The following DIP2A variants were observed in gnomAD, a reference collection of about 807,000 sequenced individuals.
DIP2A encodes disco-interacting protein 2 homolog A.
DIP2A carries 85 observed loss-of-function variants against 177.4 expected under a neutral mutation model. That is an observed-to-expected ratio of 0.48 (90% CI 0.40 to 0.57). The LOEUF is 0.57. Among genes scored for constraint, DIP2A ranks in the 20% least tolerant of loss-of-function variants. DIP2A has a pLI of 0.00. For synonymous variants in DIP2A, 886 were observed against 881.8 expected (o/e 1.00, Z -0.08); for missense variants, 1,791 against 2,100.2 (o/e 0.85, Z 2.88).
At chr21:46,538,333 C>T (rs551143973) in intron 15 of DIP2A, 150 bp from the exon 16 acceptor site, 386 of 1,180,368 alleles carry the variant, frequency 3.3e-4, no homozygotes, top group Non-Finnish European at 3.8e-4. Flanking sequence ...ATGTGAGAGA[C>T]GGCTGCAGAG....
intron 8 of DIP2A, among the ~76,000 whole-genome samples, chr21:46,520,977 T>C (rs976405814): frequency 6.6e-6 from 1 of 152,192 alleles, no homozygotes; most frequent in African/African-American, 2.4e-5. Context: ...GTTTGTCAAA[T>C]ATTAAAGGTT....
intron 2 of DIP2A, among the ~76,000 whole-genome samples, chr21:46,486,727 A>G (rs899485845): frequency 6.6e-6 from 1 of 152,232 alleles, no homozygotes; most frequent in Non-Finnish European, 1.5e-5. Context: ...GGCAGCTAGT[A>G]TTACATAGTA....
At chr21:46,570,921 AT>A (rs1356399566), downstream of DIP2A, among the ~76,000 whole-genome samples, 1 of 152,222 alleles carries the variant, frequency 6.6e-6, no homozygotes, top group Non-Finnish European at 1.5e-5. Context: ...AGATACCAAC[AT>A]TTCAGAAGCC....
At chr21:46,504,713 G>T (rs1239307070) in intron 6 of DIP2A, among the ~76,000 whole-genome samples, 2 of 152,246 alleles carry the variant, frequency 1.3e-5, no homozygotes, top group Non-Finnish European at 1.5e-5. Flanking sequence ...GAAACGAGGA[G>T]AGTGGGGAGG....
intron 25 of DIP2A, chr21:46,553,570 G>T (rs1011541420): frequency 6.5e-6 from 1 of 153,166 alleles, no homozygotes; most frequent in African/African-American, 2.4e-5. Context: ...GAGACACACA[G>T]ATGCCTCTGA....
chr21:46,567,341 ATG>A, intron 37 of DIP2A, 27 bp from the exon 38 acceptor site: 1 of 1,598,724 alleles, frequency 6.3e-7, no homozygotes, highest in Non-Finnish European at 8.5e-7. Context: ...GCCTGTATCC[ATG>A]TGACCCAGTC....
chr21:46,471,475 T>A (rs922899650), intron 1 of DIP2A, among the ~76,000 whole-genome samples: 4 of 152,246 alleles, frequency 2.6e-5, no homozygotes, highest in Non-Finnish European at 5.9e-5. Context: ...AAAACTAATT[T>A]TTGCTGTGCA....
Position 46,565,689 on chromosome 21 carries a change from A to AT in DIP2A, c.4165-22dup, listed in dbSNP as rs1454039564. The AT allele has an allele frequency of 6.9e-6, 11 of 1,600,468 alleles. No homozygotes were observed. The East Asian group carries it at 2.5e-4, about 36-fold the overall frequency. On this transcript the variant is annotated intron_variant, in intron 35 of 37. Transcript: ENST00000417564. ...AACTCGGTGGTTGGTAACACATCAC[A>AT]TTCTTGTCCTCTGGGCCCACCAGAT...
chr21:46,525,025 A>G (rs999508518), intron 8 of DIP2A, among the ~76,000 whole-genome samples: 4 of 151,682 alleles, frequency 2.6e-5, no homozygotes, highest in Non-Finnish European at 4.4e-5. Context: ...AGCTGGGAGT[A>G]CAGGTGTGCA....
chr21:46,464,844 T>TTTTTTTTTTTTTTTTTTCCC lies in DIP2A; in HGVS notation c.91+5622_91+5623insTTTTTTTTTTTTTTTTTCCC, dbSNP rs58546395. Among the ~76,000 whole-genome samples the TTTTTTTTTTTTTTTTTTCCC allele has an allele frequency of 2.2e-4, 25 of 111,216 alleles. 2 individuals are homozygous for TTTTTTTTTTTTTTTTTTCCC. Among genetic ancestry groups the TTTTTTTTTTTTTTTTTTCCC allele is most frequent in the African/African-American group, 1.0e-3 (24 of 23,946 alleles). 73.0% of individuals were successfully genotyped at this position (111,216 alleles called of 152,430 possible). On this transcript the variant is annotated intron_variant, in intron 1 of 37. Coordinates refer to ENST00000417564, the MANE Select transcript of DIP2A (RefSeq NM_015151.4). Reference sequence around the variant, plus strand: ...TTTTTTTTTTTTTTTTTTTTTTTTTTCAAGAAAACACACAACAAATGTCAG... The same window carrying TTTTTTTTTTTTTTTTTTCCC: ...TTTTTTTTTTTTTTTTTTTTTTTTTTTTTTTTTTTTTTTTTTTCCCCAAGAAAACACACAACAAATGTCAG...
At chr21:46,580,306 TC>T in the DIP2A span, among the ~76,000 whole-genome samples, 1 of 152,210 alleles carries the variant, frequency 6.6e-6, no homozygotes, top group Non-Finnish European at 1.5e-5. Flanking sequence ...TGGTAAATTT[TC>T]CTCCACTTCT....
chr21:46,480,819 T>C (rs1568935821), intron 1 of DIP2A, among the ~76,000 whole-genome samples: 1 of 152,244 alleles, frequency 6.6e-6, no homozygotes, highest in Non-Finnish European at 1.5e-5. Context: ...CTGTACTGGA[T>C]TGGAACCTGC....
rs896950547 is a variant in DIP2A at position 46,504,290 on chromosome 21, G to A, written c.656-71G>A. The A allele has an allele frequency of 1.1e-5, 17 of 1,582,968 alleles. No individual in the cohort carries two copies. In the African/African-American group the frequency reaches 1.5e-4, roughly 14 times the overall value. On this transcript the variant is annotated intron_variant, in intron 5 of 37. Coordinates refer to ENST00000417564, the MANE Select transcript of DIP2A (RefSeq NM_015151.4). Reference sequence around the variant, plus strand: ...GCTAGTGGAGCTTTAGACTAACGGGGTTTCAAGAGCAGCTTAATACTCATT... The same window carrying A: ...GCTAGTGGAGCTTTAGACTAACGGGATTTCAAGAGCAGCTTAATACTCATT...
intron 3 of DIP2A, among the ~76,000 whole-genome samples, chr21:46,492,042 T>A (rs1387611776): frequency 2.0e-5 from 3 of 152,236 alleles, no homozygotes; most frequent in Admixed American, 6.5e-5. Context: ...GTTTAAGATA[T>A]CTTTGCCTAA....
chr21:46,556,549 G>A lies in DIP2A; in HGVS notation c.3499-390G>A, dbSNP rs1402258367. ...ATACAAAAAATTAGCTGGGCATGGT[G>A]GCAGGTGCCTCTAATCCCAGATACT... On this transcript the variant is annotated intron_variant, in intron 29 of 37. Transcript: ENST00000417564. This position sits in a 1 kb window ranked among gnomAD's most constrained non-coding sequence, Gnocchi z 4.5. The A allele has an allele frequency of 4.9e-6, 2 of 409,232 alleles. No individual in the cohort carries two copies. The highest frequency in any genetic ancestry group is 8.9e-6 in the Non-Finnish European group (2 of 224,184). 25.4% of individuals were successfully genotyped at this position (409,232 alleles called of 1,614,324 possible). A position where few individuals can be genotyped will look rare whatever the true frequency, so the allele number is the denominator to read the frequency against.
In DIP2A at chr21:46,556,112, T is replaced by C. The variant is rs374648793; in HGVS notation, c.3498+21T>C. 3 of 1,598,876 alleles carry C rather than the reference T, an allele frequency of 1.9e-6. No individual in the cohort carries two copies. The highest frequency in any genetic ancestry group is 2.6e-6 in the Non-Finnish European group (3 of 1,166,318). On this transcript the variant is annotated intron_variant, in intron 29 of 37. Transcript: ENST00000417564. This position sits in a 1 kb window ranked among gnomAD's most constrained non-coding sequence, Gnocchi z 4.5. ...TGAAGGTAGGTCCTCTGAAATCTTG[T>C]TTGCTTCAGCCCCTAGAAATCAGGA... is the stretch of plus-strand genomic sequence containing the variant.
In DIP2A at chr21:46,554,875, G is replaced by A. The variant is rs545302132; in HGVS notation, c.3330G>A (p.Arg1110=). The stretch of plus-strand genomic sequence containing the variant: ...CGCAGGCTGTCACACGGCTGCTCAG[G>A]TCCAAGGAGGCTGCTGCTGCCGTGG... The part of the protein sequence containing the change: ...LTTQAVTRLL[R]SKEAAAAVDI... Residue 1110 remains arginine (R), a synonymous_variant, in exon 28 of 38, where the codon AGG becomes AGA. Coordinates refer to ENST00000417564, the MANE Select transcript of DIP2A (RefSeq NM_015151.4). The A allele has an allele frequency of 7.1e-6, 11 of 1,551,270 alleles. No individual in the cohort carries two copies. The South Asian group carries it at 1.2e-4, about 17-fold the overall frequency.
chr21:46,470,089 G>A (rs910204030), intron 1 of DIP2A, among the ~76,000 whole-genome samples: 3 of 152,188 alleles, frequency 2.0e-5, no homozygotes, highest in African/African-American at 7.2e-5. Flanking sequence ...TGTAATTCCA[G>A]CTCTTTGGGA....
intron 3 of DIP2A, among the ~76,000 whole-genome samples, chr21:46,492,793 TAGTC>T (rs2057091544): frequency 6.6e-6 from 1 of 152,090 alleles, no homozygotes; most frequent in South Asian, 2.1e-4. Flanking sequence ...ATACAAAAAT[TAGTC>T]AGGTGTGATG....
Sources: gnomAD v4.1 joint callset for allele counts (sites outside exome capture counted in the v4.1 genomes callset) on GRCh38, gnomAD v4.1.1 for gene constraint, Gnocchi (gnomAD v3.1) non-coding constraint, MANE v1.5 for transcripts, NCBI Gene and HGNC (gene_info 2026-07-23, HGNC 2026-07-21) for gene names.